Variants in COL4A3 observed in about 807,000 individuals in gnomAD.
COL4A3 encodes the protein collagen type IV alpha 3 chain.
A neutral mutation model predicts 217.4 loss-of-function variants in COL4A3; 135 were observed. The ratio of observed to expected loss-of-function variants is 0.62; its 90% CI spans 0.54 to 0.72. The LOEUF (loss-of-function observed/expected upper bound fraction) is 0.72, where lower values mean the gene tolerates loss of function less well. Ranked by LOEUF, COL4A3 falls within the 30% of genes least tolerant of loss-of-function variation. The pLI is 0.00. For synonymous variants in COL4A3, 690 were observed against 736.3 expected (o/e 0.94, Z 1.02); for missense variants, 1,868 against 2,119.9 (o/e 0.88, Z 2.33).
At chr2:227,218,080 C>CTATATATATATATATATATATATATA (rs10606625) in intron 1 of COL4A3, among the ~76,000 whole-genome samples, 18 of 118,348 alleles carry the variant, frequency 1.5e-4, no homozygotes, top group South Asian at 5.0e-4. Context: ...ATATATATAG[C>CTATATATATATATATATATATATATA]TATATATATA....
At chr2:227,181,406 T>C (rs2065864217) in intron 1 of COL4A3, among the ~76,000 whole-genome samples, 1 of 152,212 alleles carries the variant, frequency 6.6e-6, no homozygotes, top group Non-Finnish European at 1.5e-5. Flanking sequence ...GATGAATCCT[T>C]GTGAAGTTTC....
At chr2:227,220,462 C>T (rs1039088213) in intron 1 of COL4A3, among the ~76,000 whole-genome samples, 6 of 151,822 alleles carry the variant, frequency 4.0e-5, no homozygotes, top group East Asian at 3.9e-4. Context: ...GGATTGCAGG[C>T]GTGAGCCACT....
At chr2:227,243,074 C>A (rs80164040) in intron 3 of COL4A3, among the ~76,000 whole-genome samples, 2,993 of 152,280 alleles carry the variant, frequency 0.02, 93 homozygotes, top group African/African-American at 0.068. Flanking sequence ...ATGCCAATTC[C>A]GTTTTTAAAA....
At chr2:227,193,787 A>G (rs1328306672) in intron 1 of COL4A3, among the ~76,000 whole-genome samples, 6 of 22,252 alleles carry the variant, frequency 2.7e-4, no homozygotes, top group Non-Finnish European at 4.6e-4. Flanking sequence ...GAAGGAAGGA[A>G]GGAAGGAAGG....
chr2:227,266,580 C>A, intron 22 of COL4A3, 71 bp downstream of exon 22: 1 of 1,204,380 alleles, frequency 8.3e-7, no homozygotes, highest in East Asian at 2.4e-5. Context: ...GATTTTTCCC[C>A]CTGAGATAAC....
intron 3 of COL4A3, among the ~76,000 whole-genome samples, chr2:227,242,556 C>T (rs1003962928): frequency 1.3e-5 from 2 of 152,168 alleles, no homozygotes; most frequent in Admixed American, 1.3e-4. Context: ...CTAATCAAGA[C>T]TTGGTCTTTC....
intron 1 of COL4A3, among the ~76,000 whole-genome samples, chr2:227,236,484 C>A (rs1393419837): frequency 6.6e-6 from 1 of 152,122 alleles, no homozygotes; most frequent in African/African-American, 2.4e-5. Flanking sequence ...TCTAGCATTT[C>A]TTTTTTTATT....
chr2:227,312,202 C>T lies in COL4A3; in HGVS notation c.*332C>T. 1 of 273,986 alleles carries T rather than the reference C, an allele frequency of 3.6e-6. No individual in the cohort carries two copies. The highest frequency in any genetic ancestry group is 7.1e-6 in the Non-Finnish European group (1 of 140,110). 17.0% of individuals were successfully genotyped at this position (273,986 alleles called of 1,614,324 possible). ...ATGCTGCAAGTTATGAAATATTTGG[C>T]CCGCTGGATTCCCACATTTGTCTTC... On this transcript the variant is annotated 3_prime_UTR_variant, in exon 52 of 52. Coordinates refer to ENST00000396578, the MANE Select transcript of COL4A3 (RefSeq NM_000091.5).
chr2:227,288,435 G>A (rs1400448469), intron 34 of COL4A3, among the ~76,000 whole-genome samples: 2 of 152,138 alleles, frequency 1.3e-5, no homozygotes, highest in African/African-American at 4.8e-5. Flanking sequence ...TATGATCAAA[G>A]TCATGTTTTA....
In COL4A3 at chr2:227,243,405, GA is replaced by G. The variant is rs200667619; in HGVS notation, c.235-909del. 2.8e-4 allele frequency among the ~76,000 whole-genome samples: 42 copies of G among 152,298 alleles called. No individual in the cohort carries two copies. The East Asian group carries it at 5.8e-3, about 21-fold the overall frequency. Reference sequence around the variant, plus strand: ...TCTTAATTTTAAATGTTTTCTGCATGAAAAAAGTTTACAATGAGAAAGTAAA... The same window carrying G: ...TCTTAATTTTAAATGTTTTCTGCATGAAAAAGTTTACAATGAGAAAGTAAA... On this transcript the variant is annotated intron_variant, in intron 3 of 51. Coordinates refer to ENST00000396578, the MANE Select transcript of COL4A3 (RefSeq NM_000091.5).
intron 1 of COL4A3, among the ~76,000 whole-genome samples, chr2:227,189,035 G>A (rs1258898304): frequency 1.3e-5 from 2 of 152,172 alleles, no homozygotes; most frequent in Non-Finnish European, 2.9e-5. Flanking sequence ...GGAAGGATGG[G>A]AGGAGAGACT....
At chr2:227,249,918 G>C (rs1314164618) in intron 9 of COL4A3, among the ~76,000 whole-genome samples, 1 of 152,172 alleles carries the variant, frequency 6.6e-6, no homozygotes, top group African/African-American at 2.4e-5. Context: ...AAGATATAAT[G>C]ATGGTACATT....
At chr2:227,209,175 G>T (rs1437216791) in intron 1 of COL4A3, among the ~76,000 whole-genome samples, 2 of 152,210 alleles carry the variant, frequency 1.3e-5, no homozygotes, top group African/African-American at 4.8e-5. Flanking sequence ...GTTCCAAACA[G>T]GGGTACTTGA....
chr2:227,305,042 C>T lies in COL4A3; in HGVS notation c.4211C>T (p.Pro1404Leu), dbSNP rs1435107745. The T allele has an allele frequency of 3.7e-6, 6 of 1,613,912 alleles. No homozygotes were observed. Among genetic ancestry groups the T allele is most frequent in the Non-Finnish European group, 5.1e-6 (6 of 1,179,890 alleles). The stretch of plus-strand genomic sequence containing the variant: ...GATGGAAAACCAGGAACTCCTGGAC[C>T]AGCTGGAGAAAAAGGCAACAAAGGT... ...GKDGKPGTPG[P>L]AGEKGNKGSK... The change falls in exon 47 of 52, where the codon CCA becomes CTA. Residue 1404 changes from proline (P) to leucine (L), a missense_variant. By Grantham distance (98) the Pro-to-Leu change is moderately conservative (BLOSUM62 -3). Transcript: ENST00000396578.
chr2:227,191,396 A>G lies in COL4A3; in HGVS notation c.87+26583A>G, dbSNP rs1462375840. Among the ~76,000 whole-genome samples, 1 of 152,192 alleles carries G rather than the reference A, an allele frequency of 6.6e-6. No homozygotes were observed. The highest frequency in any genetic ancestry group is 1.5e-5 in the Non-Finnish European group (1 of 68,024). On this transcript the variant is annotated intron_variant, in intron 1 of 51. Coordinates refer to ENST00000396578, the MANE Select transcript of COL4A3 (RefSeq NM_000091.5). The surrounding 1 kb of genome is among the most constrained non-coding windows in gnomAD (Gnocchi z 6.8). ...AAAAAATTTAAGTGGGTGAGGGGGC[A>G]GGAAGAACAATAAAGAAAGCTAAGA...
At chr2:227,175,626 G>GGACACAGGGAGTCAGGGT (rs2065650584) in intron 1 of COL4A3, among the ~76,000 whole-genome samples, 1 of 152,168 alleles carries the variant, frequency 6.6e-6, no homozygotes, top group South Asian at 2.1e-4. Flanking sequence ...GTGGGGGATG[G>GGACACAGGGAGTCAGGGT]GACACAGGGA....
intron 11 of COL4A3, 31 bp downstream of exon 11, chr2:227,251,402 A>G: frequency 6.2e-7 from 1 of 1,606,674 alleles, no homozygotes; most frequent in Non-Finnish European, 8.5e-7. Context: ...TGTAACAGCT[A>G]GCACACCCTA....
At chr2:227,166,880 G>A (rs2065297700) in intron 1 of COL4A3, among the ~76,000 whole-genome samples, 1 of 152,172 alleles carries the variant, frequency 6.6e-6, no homozygotes, top group African/African-American at 2.4e-5. Flanking sequence ...TGACCACTCT[G>A]AGCCTCAGTT....
chr2:227,204,339 A>G (rs1426199866), intron 1 of COL4A3, among the ~76,000 whole-genome samples: 1 of 151,982 alleles, frequency 6.6e-6, no homozygotes, highest in Non-Finnish European at 1.5e-5. Context: ...TACTGCTTCT[A>G]TTGCTCTTTT....
Sources: gnomAD v4.1 joint callset for allele counts (sites outside exome capture counted in the v4.1 genomes callset) on GRCh38, gnomAD v4.1.1 for gene constraint, Gnocchi (gnomAD v3.1) non-coding constraint, MANE v1.5 for transcripts, NCBI Gene and HGNC (gene_info 2026-07-23, HGNC 2026-07-21) for gene names.